The following RGS6 variants were observed in gnomAD, a reference collection of about 807,000 sequenced individuals.
The protein encoded by RGS6 is regulator of G protein signaling 6, also known as regulator of G-protein signaling 6.
RGS6 carries 30 observed loss-of-function variants against 78.5 expected under a neutral mutation model. The observed-to-expected ratio is 0.38, with a 90% confidence interval of 0.29 to 0.52. The LOEUF (loss-of-function observed/expected upper bound fraction) is 0.52. Among genes scored for constraint, RGS6 ranks in the 20% least tolerant of loss-of-function variants. The probability of loss-of-function intolerance (pLI) is 0.85; values close to 1 mark genes in which losing one functional copy is unlikely to be tolerated. For missense variants in RGS6, 495 were observed against 609.7 expected (o/e 0.81, Z 1.98); for synonymous variants, 206 against 206.0 (o/e 1.00, Z 0.00).
intron 1 of RGS6, among the ~76,000 whole-genome samples, chr14:71,945,692 A>G: frequency 6.6e-6 from 1 of 152,176 alleles, no homozygotes; most frequent in East Asian, 1.9e-4. Flanking sequence ...GTGATGATGA[A>G]TGGCACCTGA....
intron 2 of RGS6, among the ~76,000 whole-genome samples, chr14:72,113,112 A>ATG (rs2095808814): frequency 1.3e-5 from 2 of 151,738 alleles, no homozygotes; most frequent in African/African-American, 2.4e-5. Context: ...ATGCACACAC[A>ATG]CACCCCACTT....
Position 72,350,693 on chromosome 14 carries a change from CAG to C in RGS6, c.85-1398_85-1397del, listed in dbSNP as rs1484655921. Among the ~76,000 whole-genome samples, 67 of 152,200 alleles carry C rather than the reference CAG, an allele frequency of 4.4e-4. 1 individual carries two copies. On this transcript the variant is annotated intron_variant, in intron 2 of 17. Transcript: ENST00000553525. ...GACCTACACTAGACATGTAGCATGACAGAGAAATAACCTTTGTGCTAAGCCAC... is the reference window on the plus strand; with the variant it reads ...GACCTACACTAGACATGTAGCATGACAGAAATAACCTTTGTGCTAAGCCAC...
chr14:72,536,390 C>A (rs1791024863), intron 16 of RGS6, 115 bp downstream of exon 16: 2 of 780,310 alleles, frequency 2.6e-6, no homozygotes, highest in South Asian at 1.4e-5. Context: ...CTACTTTCTT[C>A]TTTCCCTTCT....
At chr14:71,969,107 G>A (rs961067308) in intron 2 of RGS6, among the ~76,000 whole-genome samples, 1 of 152,162 alleles carries the variant, frequency 6.6e-6, no homozygotes, top group Admixed American at 6.5e-5. Context: ...AGTTTGCTGA[G>A]AATGATGGTT....
intron 13 of RGS6, 30 bp downstream of exon 13, chr14:72,495,292 G>A (rs761757824): frequency 7.6e-6 from 10 of 1,317,810 alleles, no homozygotes; most frequent in East Asian, 4.6e-5. Flanking sequence ...TTGGGAGTGG[G>A]ATGAATGTAG....
At chr14:72,107,749 A>G (rs2153539160) in intron 2 of RGS6, among the ~76,000 whole-genome samples, 1 of 152,226 alleles carries the variant, frequency 6.6e-6, no homozygotes, top group East Asian at 1.9e-4. Context: ...TATGGCATCT[A>G]TATCTTCTTT....
chr14:72,334,809 G>A (rs2075734313), intron 2 of RGS6, among the ~76,000 whole-genome samples: 1 of 152,048 alleles, frequency 6.6e-6, no homozygotes, highest in Admixed American at 6.5e-5. Flanking sequence ...TCTCCCCACA[G>A]GGTCTGGCTG....
At chr14:72,004,298 G>A (rs1236028914) in intron 2 of RGS6, among the ~76,000 whole-genome samples, 3 of 152,098 alleles carry the variant, frequency 2.0e-5, no homozygotes, top group Non-Finnish European at 4.4e-5. Flanking sequence ...ATGAATGGAT[G>A]GTGCACCTGG....
At chr14:72,568,476 T>C (rs952929241), downstream of RGS6, among the ~76,000 whole-genome samples, 1 of 152,190 alleles carries the variant, frequency 6.6e-6, no homozygotes, top group African/African-American at 2.4e-5. Context: ...ACCTCGAGGC[T>C]GTAGGCTTTG....
the RGS6 span, among the ~76,000 whole-genome samples, chr14:72,610,175 T>C: frequency 6.6e-6 from 1 of 152,162 alleles, no homozygotes; most frequent in Non-Finnish European, 1.5e-5. Flanking sequence ...CAGGTTTGCT[T>C]CGTATCTGCA....
At chr14:72,526,931 G>T (rs535135322) in intron 15 of RGS6, among the ~76,000 whole-genome samples, 7 of 152,326 alleles carry the variant, frequency 4.6e-5, no homozygotes, top group African/African-American at 1.7e-4. Context: ...AGCTAACCAT[G>T]CCTAAGGTCT....
intron 2 of RGS6, among the ~76,000 whole-genome samples, chr14:72,348,970 T>A (rs931052795): frequency 2.0e-5 from 3 of 152,000 alleles, no homozygotes; most frequent in Non-Finnish European, 4.4e-5. Flanking sequence ...ATCGAGACCA[T>A]CCTGGCTAAC....
chr14:71,869,881 C>T, the RGS6 span, among the ~76,000 whole-genome samples: 1 of 152,122 alleles, frequency 6.6e-6, no homozygotes, highest in Non-Finnish European at 1.5e-5. Context: ...GTCTGATCAC[C>T]TTTTACTCTC....
chr14:72,518,269 G>T (rs1414841925), intron 14 of RGS6, 82 bp from the exon 15 acceptor site: 7 of 1,344,804 alleles, frequency 5.2e-6, no homozygotes, highest in African/African-American at 1.5e-5. Flanking sequence ...GGGTTTCATG[G>T]GACATCAGCT....
intron 3 of RGS6, among the ~76,000 whole-genome samples, chr14:72,370,559 G>A (rs116601457): frequency 2.1e-4 from 32 of 152,218 alleles, no homozygotes; most frequent in African/African-American, 7.7e-4. Context: ...AGGTGATGAG[G>A]TACATCAGGG....
chr14:71,884,148 A>G, the RGS6 span, among the ~76,000 whole-genome samples: 40 of 152,092 alleles, frequency 2.6e-4, no homozygotes, highest in Non-Finnish European at 1.2e-4. Flanking sequence ...CAGCTTTCCT[A>G]GGAGTTCTGC....
intron 17 of RGS6, among the ~76,000 whole-genome samples, chr14:72,550,274 T>C (rs1231390064): frequency 6.6e-6 from 1 of 152,146 alleles, no homozygotes; most frequent in Non-Finnish European, 1.5e-5. Flanking sequence ...TCTCAGATAC[T>C]CCATTAAAAC....
At chr14:72,349,904 A>C (rs1333264517) in intron 2 of RGS6, among the ~76,000 whole-genome samples, 7 of 152,178 alleles carry the variant, frequency 4.6e-5, no homozygotes, top group African/African-American at 1.7e-4. Flanking sequence ...TTTCATAGAA[A>C]CCATCAATGT....
chr14:72,398,177 G>A (rs919968097), intron 3 of RGS6, among the ~76,000 whole-genome samples: 2 of 152,108 alleles, frequency 1.3e-5, no homozygotes, highest in African/African-American at 4.8e-5. Context: ...AATCCATCTG[G>A]TCCTGGACTT....
Sources: gnomAD v4.1 joint callset for allele counts (sites outside exome capture counted in the v4.1 genomes callset) on GRCh38, gnomAD v4.1.1 for gene constraint, MANE v1.5 for transcripts, NCBI Gene and HGNC (gene_info 2026-07-23, HGNC 2026-07-21) for gene names.